Variants in CADPS observed in about 807,000 individuals in gnomAD.
CADPS encodes the protein calcium-dependent secretion activator 1.
CADPS carries 57 observed loss-of-function variants against 167.3 expected under a neutral mutation model. The ratio of observed to expected loss-of-function variants is 0.34; its 90% CI spans 0.28 to 0.42. CADPS has a LOEUF of 0.42. CADPS is among the 20% of genes least tolerant of loss of function. The pLI is 1.00. For missense variants in CADPS, 1,414 were observed against 1,738.1 expected (o/e 0.81, Z 3.32); for synonymous variants, 676 against 635.3 (o/e 1.06, Z -0.96).
rs113122263 is a variant in CADPS at position 62,516,378 on chromosome 3, T to C, written c.2458-196A>G. Among the ~76,000 whole-genome samples, 507 of 152,270 alleles carry C rather than the reference T, an allele frequency of 3.3e-3. 6 individuals carry two copies. Among genetic ancestry groups the C allele is most frequent in the African/African-American group, 0.012 (480 of 41,570 alleles). ...ATGAGTCAGGGAAGGGCTAGGAACA[T>C]ATCTTCTGTATATCCTATTTGGGAG... On this transcript the variant is annotated intron_variant, in intron 15 of 29. Coordinates refer to ENST00000383710, the MANE Select transcript of CADPS (RefSeq NM_003716.4).
intron 3 of CADPS, among the ~76,000 whole-genome samples, chr3:62,700,297 G>C (rs2081159228): frequency 6.6e-6 from 1 of 152,084 alleles, no homozygotes; most frequent in African/African-American, 2.4e-5. Context: ...TCTAAGGATT[G>C]TAATTCTTCA....
chr3:62,584,523 A>G (rs996860627), intron 8 of CADPS, among the ~76,000 whole-genome samples: 1 of 152,212 alleles, frequency 6.6e-6, no homozygotes, highest in Non-Finnish European at 1.5e-5. Flanking sequence ...GTTTTCTGAG[A>G]TAATGACATC....
intron 13 of CADPS, chr3:62,530,804 A>C (rs1252626916): frequency 1.6e-6 from 2 of 1,270,900 alleles, no homozygotes; most frequent in Admixed American, 4.9e-5. Flanking sequence ...GTACACATGC[A>C]TTTGTTGACT....
intron 13 of CADPS, among the ~76,000 whole-genome samples, chr3:62,528,313 G>C (rs1010512349): frequency 5.9e-5 from 9 of 152,102 alleles, no homozygotes; most frequent in Non-Finnish European, 1.0e-4. Flanking sequence ...GAATTTATGC[G>C]AGCCTCAAGC....
intron 1 of CADPS, among the ~76,000 whole-genome samples, chr3:62,839,774 T>C (rs908328840): frequency 1.3e-5 from 2 of 152,170 alleles, no homozygotes; most frequent in Non-Finnish European, 2.9e-5. Flanking sequence ...ACTGGATTCA[T>C]GGCTCAGGGT....
chr3:62,459,608 G>A lies in CADPS; in HGVS notation c.3636+5759C>T, dbSNP rs930526503. 2.0e-5 allele frequency among the ~76,000 whole-genome samples: 3 copies of A among 152,106 alleles called. No homozygotes were observed. In the East Asian group the frequency reaches 5.8e-4, roughly 29 times the overall value. On this transcript the variant is annotated intron_variant, in intron 26 of 29. Transcript: ENST00000383710. ...CAGCCCAAATGTCATTTCCTTCAATGGTCTCCCAGATGAGGTTGGGTCCCT... is the reference window on the plus strand; with the variant it reads ...CAGCCCAAATGTCATTTCCTTCAATAGTCTCCCAGATGAGGTTGGGTCCCT...
chr3:62,721,483 A>C (rs1170080119), intron 3 of CADPS, among the ~76,000 whole-genome samples: 1 of 152,046 alleles, frequency 6.6e-6, no homozygotes, highest in East Asian at 1.9e-4. Flanking sequence ...GTAAGCACAC[A>C]GATTTGGAGA....
intron 26 of CADPS, among the ~76,000 whole-genome samples, chr3:62,454,443 A>T (rs984001621): frequency 6.6e-6 from 1 of 152,198 alleles, no homozygotes. Context: ...CAGGGCACAC[A>T]GTCAAGAAGT....
intron 3 of CADPS, among the ~76,000 whole-genome samples, chr3:62,728,309 A>G (rs895710749): frequency 6.6e-6 from 1 of 151,888 alleles, no homozygotes; most frequent in Non-Finnish European, 1.5e-5. Flanking sequence ...CCTCTCGAAC[A>G]TCTGCAGGGA....
chr3:62,574,490 A>G (rs1184167131), intron 8 of CADPS, among the ~76,000 whole-genome samples: 1 of 152,182 alleles, frequency 6.6e-6, no homozygotes, highest in Non-Finnish European at 1.5e-5. Context: ...GATGACTGAT[A>G]AGTTTATCAA....
Position 62,592,683 on chromosome 3 carries a change from G to A in CADPS, c.1391C>T (p.Thr464Ile). Residue 464 changes from threonine to isoleucine, a missense_variant, in exon 7 of 30, where the codon ACA becomes ATA. Transcript: ENST00000383710. ...CAACGCCAGGACGCCTGTGCTCTCT[G>A]TGAACAGCTTCACCTTCACAGCTGG... ...ALPAVKVKLF[T>I]ESTGVLALED... 6.2e-7 allele frequency: 1 copy of A among 1,614,104 alleles called. No individual in the cohort carries two copies. The highest frequency in any genetic ancestry group is 8.5e-7 in the Non-Finnish European group (1 of 1,179,960).
In CADPS at chr3:62,843,673, G is replaced by C. The variant is rs879042506; in HGVS notation, c.441+30916C>G. 3.3e-5 allele frequency among the ~76,000 whole-genome samples: 5 copies of C among 152,188 alleles called. No homozygotes were observed. The South Asian group carries it at 1.0e-3, about 32-fold the overall frequency. On this transcript the variant is annotated intron_variant, in intron 1 of 29. Transcript: ENST00000383710. ...AAGACAGCCACTGAAGCTCCAGCCA[G>C]TCAGTCCTGCTTTCTAGCCAGCTAG...
intron 26 of CADPS, among the ~76,000 whole-genome samples, chr3:62,460,159 TG>T (rs1454227657): frequency 2.0e-5 from 3 of 152,154 alleles, no homozygotes; most frequent in African/African-American, 7.2e-5. Flanking sequence ...ATCTATAAAA[TG>T]GGGATGCTAA....
chr3:62,413,616 A>G (rs2049411871), intron 28 of CADPS, among the ~76,000 whole-genome samples: 1 of 152,168 alleles, frequency 6.6e-6, no homozygotes, highest in South Asian at 2.1e-4. Flanking sequence ...GGGAGGGGTA[A>G]ATGGGAGTTG....
At chr3:62,664,235 T>C (rs2073976751) in intron 3 of CADPS, among the ~76,000 whole-genome samples, 1 of 152,226 alleles carries the variant, frequency 6.6e-6, no homozygotes, top group Non-Finnish European at 1.5e-5. Flanking sequence ...TGCGAACTCC[T>C]GACCTCGTGA....
At chr3:62,588,891 G>T (rs897055281) in intron 7 of CADPS, among the ~76,000 whole-genome samples, 1 of 152,058 alleles carries the variant, frequency 6.6e-6, no homozygotes, top group African/African-American at 2.4e-5. Context: ...TTTAAAAGAG[G>T]GGGAATATAT....
At chr3:62,564,410 T>G (rs17639413) in intron 9 of CADPS, among the ~76,000 whole-genome samples, 25,020 of 152,160 alleles carry the variant, frequency 0.16, 2,517 homozygotes, top group South Asian at 0.26. Flanking sequence ...AGCCTTGTCC[T>G]CACTGTAGTA....
chr3:62,872,271 C>A (rs75059193), intron 1 of CADPS, among the ~76,000 whole-genome samples: 3,816 of 152,240 alleles, frequency 0.025, 83 homozygotes, highest in South Asian at 0.076. Flanking sequence ...CTTTTAATTA[C>A]TCTCAATCAT....
At chr3:62,447,403 C>T (rs556744632) in intron 26 of CADPS, among the ~76,000 whole-genome samples, 1 of 152,246 alleles carries the variant, frequency 6.6e-6, no homozygotes, top group Admixed American at 6.5e-5. Context: ...CTCTTAGAAC[C>T]TTACACTTGT....
Sources: allele counts gnomAD v4.1 joint callset (sites outside exome capture counted in the v4.1 genomes callset), GRCh38; gene constraint gnomAD v4.1.1; transcripts MANE v1.5; gene names NCBI Gene and HGNC (gene_info 2026-07-23, HGNC 2026-07-21).